The following MSANTD2 variants were observed in gnomAD, a reference collection of about 807,000 sequenced individuals.
MSANTD2 encodes Myb/SANT DNA binding domain containing 2.
Under a neutral mutation model 52.6 loss-of-function variants are expected in MSANTD2, and 19 were observed. That is an observed-to-expected ratio of 0.36 (90% CI 0.25 to 0.53). The LOEUF (loss-of-function observed/expected upper bound fraction) is 0.53. Ranked by LOEUF, MSANTD2 falls within the 20% of genes least tolerant of loss-of-function variation. The pLI, the probability that MSANTD2 is intolerant of heterozygous loss-of-function variation, is 0.91. For synonymous variants in MSANTD2, 291 were observed against 289.7 expected (o/e 1.00, Z -0.04); for missense variants, 558 against 716.3 (o/e 0.78, Z 2.52).
intron 1 of MSANTD2, among the ~76,000 whole-genome samples, chr11:124,778,848 A>G (rs560248395): frequency 9.2e-5 from 14 of 152,236 alleles, no homozygotes; most frequent in African/African-American, 3.1e-4. Flanking sequence ...TTCATTGTGG[A>G]TGAATGTATG....
intron 1 of MSANTD2, among the ~76,000 whole-genome samples, chr11:124,776,517 G>T (rs1944751305): frequency 6.6e-6 from 1 of 152,178 alleles, no homozygotes; most frequent in South Asian, 2.1e-4. Context: ...GGCTGGTCTT[G>T]AACTCCCGAC....
intron 1 of MSANTD2, among the ~76,000 whole-genome samples, chr11:124,788,189 T>G (rs1472397142): frequency 6.6e-6 from 1 of 151,404 alleles, no homozygotes; most frequent in African/African-American, 2.4e-5. Context: ...GAAAAAGGAA[T>G]CCTAACTACC....
At chr11:124,788,569 C>CT (rs1231823922) in intron 1 of MSANTD2, among the ~76,000 whole-genome samples, 4 of 152,198 alleles carry the variant, frequency 2.6e-5, no homozygotes, top group Non-Finnish European at 4.4e-5. Context: ...TGGCACAACT[C>CT]TGACTGCTCA....
At chr11:124,788,113 A>G (rs1049125738) in intron 1 of MSANTD2, among the ~76,000 whole-genome samples, 9 of 151,522 alleles carry the variant, frequency 5.9e-5, no homozygotes, top group Non-Finnish European at 7.4e-5. Flanking sequence ...TTAATTAATC[A>G]TTTTGAAAGA....
intron 1 of MSANTD2, among the ~76,000 whole-genome samples, chr11:124,778,298 C>T (rs1466744802): frequency 6.6e-6 from 1 of 152,148 alleles, no homozygotes; most frequent in Non-Finnish European, 1.5e-5. Flanking sequence ...TTTTACTCAT[C>T]CTAGAAATTT....
chr11:124,775,114 C>A, intron 1 of MSANTD2, 140 bp from the exon 2 acceptor site: 1 of 695,766 alleles, frequency 1.4e-6, no homozygotes, highest in Non-Finnish European at 2.2e-6. Context: ...ATTTCAAATT[C>A]ATTATTATAT....
chr11:124,784,732 T>C (rs1194241245), intron 1 of MSANTD2: 25 of 905,182 alleles, frequency 2.8e-5, no homozygotes, highest in Admixed American at 6.2e-5. Context: ...ATAATAGAGA[T>C]GTTTCCATTA....
intron 3 of MSANTD2, 64 bp downstream of exon 3, chr11:124,772,929 GA>G: frequency 1.0e-6 from 1 of 998,946 alleles, no homozygotes; most frequent in Non-Finnish European, 1.6e-6. Context: ...AATATTTTCT[GA>G]TCTTCCCAAT....
intron 2 of MSANTD2, 42 bp from the exon 3 acceptor site, chr11:124,773,096 T>C (rs1355873766): frequency 8.5e-7 from 1 of 1,170,248 alleles, no homozygotes; most frequent in Non-Finnish European, 1.3e-6. Flanking sequence ...CTTTCCTAAG[T>C]GGTGGCATGC....
At chr11:124,791,777 G>A in intron 1 of MSANTD2, 1 of 601,446 alleles carries the variant, frequency 1.7e-6, no homozygotes, top group Non-Finnish European at 3.0e-6. Context: ...GGGAGGAGGA[G>A]GATGTGGGGC....
In MSANTD2 at chr11:124,774,442, T is replaced by G. The variant is rs1412266426; in HGVS notation, c.766+277A>C. The stretch of plus-strand genomic sequence containing the variant: ...GCTCAGAATTAGAAATTCTTCTGTG[T>G]CTTTGGGAATCCTGCTGGTAAACAA... On this transcript the variant is annotated intron_variant, in intron 2 of 3. Coordinates refer to ENST00000374979, the MANE Select transcript of MSANTD2 (RefSeq NM_001308027.2). The surrounding 1 kb of genome is among the most constrained non-coding windows in gnomAD (Gnocchi z 5.1). 6.6e-6 allele frequency among the ~76,000 whole-genome samples: 1 copy of G among 152,214 alleles called. No individual in the cohort carries two copies. The highest frequency in any genetic ancestry group is 1.5e-5 in the Non-Finnish European group (1 of 68,032).
chr11:124,773,275 A>C, intron 2 of MSANTD2: 1 of 345,834 alleles, frequency 2.9e-6, no homozygotes, highest in Non-Finnish European at 5.2e-6. Flanking sequence ...CAAGTATAAA[A>C]TTCTTCAAGG....
At chr11:124,772,085 C>T (rs975374814) in intron 3 of MSANTD2, among the ~76,000 whole-genome samples, 1 of 152,184 alleles carries the variant, frequency 6.6e-6, no homozygotes, top group Admixed American at 6.5e-5. Flanking sequence ...TAATGCTAAA[C>T]TCGGGGAAGA....
In MSANTD2 at chr11:124,779,402, C is replaced by A. The variant is rs902181892; in HGVS notation, c.511-4428G>T. Among the ~76,000 whole-genome samples, 4 of 152,216 alleles carry A rather than the reference C, an allele frequency of 2.6e-5. No homozygotes were observed. In the East Asian group the frequency reaches 7.7e-4, roughly 29 times the overall value. ...AATAAATCATAAAGGCATATGCCAA[C>A]CAATTCCAGTATTGGCTTAATAATT... On this transcript the variant is annotated intron_variant, in intron 1 of 3. Coordinates refer to ENST00000374979, the MANE Select transcript of MSANTD2 (RefSeq NM_001308027.2). This position sits in a 1 kb window ranked among gnomAD's most constrained non-coding sequence, Gnocchi z 4.6.
Position 124,767,157 on chromosome 11 carries a change from T to A in MSANTD2, c.*19A>T. ...GAGAAGAAGGAGCTAAGAGCCCAAA[T>A]CCTTATGAAGGATGACATTCAGTTG... is the stretch of plus-strand genomic sequence containing the variant. On this transcript the variant is annotated 3_prime_UTR_variant, in exon 4 of 4. Coordinates refer to ENST00000374979, the MANE Select transcript of MSANTD2 (RefSeq NM_001308027.2). The surrounding 1 kb of genome is among the most constrained non-coding windows in gnomAD (Gnocchi z 6.5). 1.3e-6 allele frequency: 2 copies of A among 1,569,874 alleles called. No individual in the cohort carries two copies. The highest frequency in any genetic ancestry group is 1.7e-6 in the Non-Finnish European group (2 of 1,161,334).
In MSANTD2 at chr11:124,800,132, G is replaced by A; in HGVS notation, c.249C>T (p.Ser83=). The A allele has an allele frequency of 2.7e-6, 4 of 1,484,418 alleles. No homozygotes were observed. The highest frequency in any genetic ancestry group is 3.6e-6 in the Non-Finnish European group (4 of 1,126,128). The allele number at this position is 1,484,418 out of a possible 1,614,324, so 92.0% of individuals were successfully genotyped here. A position where few individuals can be genotyped will look rare whatever the true frequency, so the allele number is the denominator to read the frequency against. ...CAGCCCCGCCACCGCCGCCACCAGGGGAGAAGGAGACCGAGGACGAGGCGG... is the reference window on the plus strand; with the variant it reads ...CAGCCCCGCCACCGCCGCCACCAGGAGAGAAGGAGACCGAGGACGAGGCGG... ...RSAASSSVSF[S]PGGGGGGAAA... Residue 83 remains serine, a synonymous_variant, in exon 1 of 4, where the codon TCC becomes TCT. Coordinates refer to ENST00000374979, the MANE Select transcript of MSANTD2 (RefSeq NM_001308027.2). The surrounding 1 kb of genome is among the most constrained non-coding windows in gnomAD (Gnocchi z 4.3).
chr11:124,793,891 G>GT (rs1220566966), intron 1 of MSANTD2, among the ~76,000 whole-genome samples: 1 of 152,166 alleles, frequency 6.6e-6, no homozygotes, highest in Non-Finnish European at 1.5e-5. Flanking sequence ...AGAGGTTTGA[G>GT]TGTGTGGCCA....
At chr11:124,781,161 C>T (rs1432280775) in intron 1 of MSANTD2, among the ~76,000 whole-genome samples, 10 of 137,946 alleles carry the variant, frequency 7.2e-5, no homozygotes, top group East Asian at 2.1e-4. Flanking sequence ...CCAGCCTGGG[C>T]GACATGAGGG....
chr11:124,797,552 G>A (rs1195889762), intron 1 of MSANTD2, among the ~76,000 whole-genome samples: 4 of 152,190 alleles, frequency 2.6e-5, no homozygotes, highest in African/African-American at 9.7e-5. Flanking sequence ...CTATATGCTA[G>A]TACAGCAGTG....
Sources: allele counts gnomAD v4.1 joint callset (sites outside exome capture counted in the v4.1 genomes callset), GRCh38; gene constraint gnomAD v4.1.1; non-coding constraint Gnocchi (gnomAD v3.1); transcripts MANE v1.5; gene names NCBI Gene and HGNC (gene_info 2026-07-23, HGNC 2026-07-21).